Variants in GRIN2B observed in about 807,000 individuals in gnomAD.
GRIN2B encodes the protein glutamate receptor ionotropic, NMDA 2B.
In GRIN2B, 5 loss-of-function variants were observed where a neutral mutation model predicts 114.5. The ratio of observed to expected loss-of-function variants is 0.04; its 90% CI spans 0.02 to 0.09. GRIN2B has a LOEUF of 0.09. Ranked by LOEUF, GRIN2B falls within the 10% of genes least tolerant of loss-of-function variation. The pLI is 1.00. For missense variants in GRIN2B, 1,108 were observed against 1,943.5 expected (o/e 0.57, Z 8.08); for synonymous variants, 787 against 745.1 (o/e 1.06, Z -0.92).
chr12:13,585,583 G>C (rs998351462), intron 10 of GRIN2B, among the ~76,000 whole-genome samples: 2 of 152,166 alleles, frequency 1.3e-5, no homozygotes, highest in African/African-American at 4.8e-5. Context: ...CACAGGAGAG[G>C]ACTCGAACAA....
At chr12:13,614,189 T>C (rs1273877620) in intron 8 of GRIN2B, among the ~76,000 whole-genome samples, 1 of 152,218 alleles carries the variant, frequency 6.6e-6, no homozygotes, top group Non-Finnish European at 1.5e-5. Flanking sequence ...AGAAAAATTC[T>C]ATGGAGCCTA....
At chr12:13,622,154 T>C (rs2136488457) in intron 5 of GRIN2B, among the ~76,000 whole-genome samples, 1 of 152,342 alleles carries the variant, frequency 6.6e-6, no homozygotes, top group South Asian at 2.1e-4. Flanking sequence ...AAAACACTTA[T>C]TAGAGCCTCT....
At chr12:13,723,765 A>G (rs1452052009) in intron 4 of GRIN2B, among the ~76,000 whole-genome samples, 1 of 152,152 alleles carries the variant, frequency 6.6e-6, no homozygotes, top group Non-Finnish European at 1.5e-5. Context: ...TGGTATTTGA[A>G]AAATACATGA....
At chr12:13,790,547 A>T (rs1864303207) in intron 3 of GRIN2B, among the ~76,000 whole-genome samples, 1 of 152,230 alleles carries the variant, frequency 6.6e-6, no homozygotes, top group African/African-American at 2.4e-5. Context: ...AGTTAAACAC[A>T]GTGACATGAG....
At chr12:13,954,056 T>G (rs1867543324) in intron 2 of GRIN2B, among the ~76,000 whole-genome samples, 1 of 152,242 alleles carries the variant, frequency 6.6e-6, no homozygotes, top group African/African-American at 2.4e-5. Context: ...GTTCTGGCCC[T>G]GGACCAGGCA....
chr12:13,876,532 G>C (rs1168166037), intron 2 of GRIN2B, among the ~76,000 whole-genome samples: 1 of 152,156 alleles, frequency 6.6e-6, no homozygotes, highest in East Asian at 1.9e-4. Flanking sequence ...ACAATCTCAT[G>C]GGTAATGTAA....
intron 4 of GRIN2B, among the ~76,000 whole-genome samples, chr12:13,701,573 T>C (rs1236900902): frequency 6.6e-6 from 1 of 151,250 alleles, no homozygotes; most frequent in Admixed American, 6.6e-5. Context: ...GTTCTTGGTC[T>C]AGTAGATGTC....
intron 3 of GRIN2B, among the ~76,000 whole-genome samples, chr12:13,760,981 G>A (rs1306377203): frequency 6.6e-6 from 1 of 152,180 alleles, no homozygotes; most frequent in Non-Finnish European, 1.5e-5. Flanking sequence ...TGTCTTGCAA[G>A]ATAGGGAAAA....
At position 13,562,916 on chromosome 12, in the gene GRIN2B, C is replaced by A. The variant is rs200903876; in HGVS notation, c.4322G>T (p.Arg1441Leu). The change falls in exon 14 of 14, where the codon CGT becomes CTT. Residue 1441 changes from arginine to leucine, a missense_variant. By Grantham distance (102) the Arg-to-Leu change is moderately radical (BLOSUM62 -2). Around this residue, in one of 19 missense-constraint regions of GRIN2B, gnomAD observed 478 missense variants for 506.0 expected, o/e 0.94. Coordinates refer to ENST00000609686, the MANE Select transcript of GRIN2B (RefSeq NM_000834.5). ...CCCTATACAGATGTCCTTCTGGAAA[C>A]GGGCTGGCACGGCCCCATGAAGGGC... Reference protein sequence around the residue: ...VSALHGAVPARFQKDICIGNQ... With the variant: ...VSALHGAVPALFQKDICIGNQ... 6.2e-7 allele frequency: 1 copy of A among 1,614,218 alleles called. No homozygotes were observed. The highest frequency in any genetic ancestry group is 1.7e-5 in the Admixed American group (1 of 60,030).
intron 3 of GRIN2B, among the ~76,000 whole-genome samples, chr12:13,838,762 G>A (rs1865326362): frequency 6.6e-6 from 1 of 152,222 alleles, no homozygotes. Context: ...GGGAGTGGAT[G>A]GAGAAGCCAG....
chr12:13,607,138 T>C (rs1469010306), intron 10 of GRIN2B, among the ~76,000 whole-genome samples: 1 of 125,178 alleles, frequency 8.0e-6, no homozygotes, highest in Non-Finnish European at 1.6e-5. Context: ...GGAGGTACCA[T>C]GCACTCAAAA....
intron 5 of GRIN2B, among the ~76,000 whole-genome samples, chr12:13,674,548 A>G (rs1687841500): frequency 6.6e-6 from 1 of 152,108 alleles, no homozygotes; most frequent in Admixed American, 6.5e-5. Context: ...CTAGCTGTCC[A>G]GGGCTCTCTG....
At chr12:13,920,331 C>T (rs1340728969) in intron 2 of GRIN2B, among the ~76,000 whole-genome samples, 2 of 151,830 alleles carry the variant, frequency 1.3e-5, no homozygotes, top group East Asian at 3.9e-4. Flanking sequence ...ATTTCCCCAA[C>T]TCACTTACGC....
intron 2 of GRIN2B, among the ~76,000 whole-genome samples, chr12:13,896,126 G>T (rs981133298): frequency 6.6e-6 from 1 of 152,166 alleles, no homozygotes; most frequent in African/African-American, 2.4e-5. Flanking sequence ...GGATCGCAGT[G>T]TGATTTCAGA....
chr12:13,880,854 T>C (rs945727480), intron 2 of GRIN2B, among the ~76,000 whole-genome samples: 3 of 152,236 alleles, frequency 2.0e-5, no homozygotes, highest in African/African-American at 7.2e-5. Context: ...CCTTCAGCTC[T>C]TGCCTTCCTG....
intron 2 of GRIN2B, among the ~76,000 whole-genome samples, chr12:13,893,414 A>C (rs1289100890): frequency 1.3e-5 from 2 of 152,218 alleles, no homozygotes; most frequent in African/African-American, 2.4e-5. Flanking sequence ...AAAATCCTTA[A>C]ATTGTCATAT....
intron 6 of GRIN2B, 90 bp downstream of exon 6, chr12:13,616,365 A>T: frequency 2.2e-6 from 2 of 893,870 alleles, no homozygotes; most frequent in Non-Finnish European, 3.8e-6. Context: ...CCCAATTCTC[A>T]TGCCTCAGGT....
chr12:13,640,660 G>T (rs1949706911), intron 5 of GRIN2B, among the ~76,000 whole-genome samples: 1 of 152,124 alleles, frequency 6.6e-6, no homozygotes, highest in Non-Finnish European at 1.5e-5. Context: ...AGTGATGGCT[G>T]ATTCTAAAAA....
chr12:13,823,600 T>A (rs1864977644), intron 3 of GRIN2B, among the ~76,000 whole-genome samples: 1 of 152,134 alleles, frequency 6.6e-6, no homozygotes, highest in Non-Finnish European at 1.5e-5. Context: ...ATGTCATTTG[T>A]GAAGGAAGAT....
Sources: gnomAD v4.1 joint callset for allele counts (sites outside exome capture counted in the v4.1 genomes callset) on GRCh38, gnomAD v4.1.1 for gene constraint, gnomAD v4.1.1 regional missense constraint, MANE v1.5 for transcripts, NCBI Gene and HGNC (gene_info 2026-07-23, HGNC 2026-07-21) for gene names.